The following WDSUB1 variants were observed in gnomAD, a reference collection of about 807,000 sequenced individuals.
The protein encoded by WDSUB1 is WD repeat, sterile alpha motif and U-box domain containing 1.
Under a neutral mutation model 53.9 loss-of-function variants are expected in WDSUB1, and 49 were observed. The observed-to-expected ratio is 0.91, with a 90% CI of 0.72 to 1.15. The LOEUF is 1.15. Ranked by LOEUF, WDSUB1 falls within the 50% of genes most tolerant of loss-of-function variation. WDSUB1 has a pLI of 0.00. For synonymous variants in WDSUB1, 194 were observed against 200.6 expected, an observed-to-expected ratio of 0.97 and a Z score of 0.28; for missense variants, 514 against 562.0, an observed-to-expected ratio of 0.91 and a Z score of 0.86.
chr2:159,275,583 T>G lies in WDSUB1; in HGVS notation c.639A>C (p.Gln213His). 6.2e-7 allele frequency: 1 copy of G among 1,606,562 alleles called. No homozygotes were observed. The highest frequency in any genetic ancestry group is 8.5e-7 in the Non-Finnish European group (1 of 1,178,046). The change falls in exon 4 of 11, where the codon CAA becomes CAC. Residue 213 changes from glutamine (Q) to histidine (H), a missense_variant. Transcript: ENST00000359774. ...FRLASCGQDC[Q>H]VKIWIVSFTH... ...TAAAAGAAACAATCCAAATTTTGAC[T>G]TGGCAATCCTGACCACATGATGCCA...
At chr2:159,273,122 T>A (rs1049520805) in intron 4 of WDSUB1, among the ~76,000 whole-genome samples, 1 of 151,936 alleles carries the variant, frequency 6.6e-6, no homozygotes, top group Non-Finnish European at 1.5e-5. Flanking sequence ...CAGGAAAAAA[T>A]ATATATTTTT....
At chr2:159,280,488 G>T (rs530018256) in intron 2 of WDSUB1, among the ~76,000 whole-genome samples, 2 of 151,176 alleles carry the variant, frequency 1.3e-5, no homozygotes, top group African/African-American at 2.4e-5. Context: ...TCAGGAGATC[G>T]AGACCATCCC....
intron 5 of WDSUB1, among the ~76,000 whole-genome samples, chr2:159,261,457 T>C (rs886320070): frequency 6.6e-6 from 1 of 152,124 alleles, no homozygotes; most frequent in Admixed American, 6.5e-5. Context: ...CAGTGAGAAA[T>C]AGTATTGACA....
In WDSUB1 at chr2:159,259,805, CT is replaced by C; in HGVS notation, c.804+4del. The C allele has an allele frequency of 6.6e-7, 1 of 1,521,452 alleles. No individual in the cohort carries two copies. Among genetic ancestry groups the C allele is most frequent in the Non-Finnish European group, 8.9e-7 (1 of 1,119,918 alleles). The allele number at this position is 1,521,452 out of a possible 1,614,324, so 94.2% of individuals were successfully genotyped here. On this transcript the variant is annotated splice_donor_region_variant and intron_variant, in intron 6 of 10. Transcript: ENST00000359774. The stretch of plus-strand genomic sequence containing the variant: ...TAGATCACCACAAGATTTTTAAATA[CT>C]TACAGTATCATATACTATGACAGAC...
Position 159,282,962 on chromosome 2 carries a change from C to T in WDSUB1, c.108G>A (p.Leu36=), listed in dbSNP as rs755560252. 3.1e-6 allele frequency: 5 copies of T among 1,614,170 alleles called. No individual in the cohort carries two copies. The South Asian group carries it at 4.4e-5, about 14-fold the overall frequency. Residue 36 remains leucine (L), a synonymous_variant, in exon 2 of 11, where the codon CTG becomes CTA. Coordinates refer to ENST00000359774, the MANE Select transcript of WDSUB1 (RefSeq NM_001128212.3). ...ATCSLDKTIR[L]YSLRDFTELP... is the part of the protein sequence containing the mutation. ...GTTCAGTAAAGTCACGTAACGAGTA[C>T]AGGCGAATTGTTTTGTCCAAGGAGC...
chr2:159,261,394 A>T (rs546228016), intron 5 of WDSUB1, among the ~76,000 whole-genome samples: 1 of 152,352 alleles, frequency 6.6e-6, no homozygotes, highest in Non-Finnish European at 1.5e-5. Context: ...ACTGTAATGC[A>T]TTCCAGATGC....
At chr2:159,259,570 G>A (rs146302259) in intron 6 of WDSUB1, among the ~76,000 whole-genome samples, 195 of 152,294 alleles carry the variant, frequency 1.3e-3, no homozygotes, top group African/African-American at 4.3e-3. Flanking sequence ...CTTTAAATAT[G>A]TATAGTTTAT....
rs1454450462 is a variant in WDSUB1, at chr2:159,257,770, T to G, written c.940A>C (p.Thr314Pro). The part of the protein sequence containing the change: ...TVNIWQFDLE[T>P]LCQARRTEHQ... Reference sequence around the variant, plus strand: ...TGTCCTTACTAACCTTGGCAAAGTGTTTCCAGGTCAAATTGCCAGATGTTC... The same window carrying G: ...TGTCCTTACTAACCTTGGCAAAGTGGTTCCAGGTCAAATTGCCAGATGTTC... Residue 314 changes from threonine to proline, a missense_variant, in exon 8 of 11, where the codon ACA (threonine) becomes CCA (proline). Coordinates refer to ENST00000359774, the MANE Select transcript of WDSUB1 (RefSeq NM_001128212.3). 2 of 1,614,034 alleles carry G rather than the reference T, an allele frequency of 1.2e-6. No individual in the cohort carries two copies. The highest frequency in any genetic ancestry group is 2.2e-5 in the South Asian group (2 of 91,084).
intron 10 of WDSUB1, among the ~76,000 whole-genome samples, chr2:159,243,313 A>G (rs2060709272): frequency 6.8e-6 from 1 of 147,644 alleles, no homozygotes; most frequent in African/African-American, 2.6e-5. Context: ...GTCGGAAGAC[A>G]GTAGGGAGAT....
intron 3 of WDSUB1, among the ~76,000 whole-genome samples, chr2:159,277,670 AAT>A (rs1205951766): frequency 6.6e-6 from 1 of 152,226 alleles, no homozygotes; most frequent in African/African-American, 2.4e-5. Context: ...AAGATGAGTC[AAT>A]ATGTCATAAG....
chr2:159,256,280 C>T lies in WDSUB1; in HGVS notation c.1048G>A (p.Val350Ile), dbSNP rs1427446654. 5.6e-6 allele frequency: 9 copies of T among 1,612,236 alleles called. No homozygotes were observed. In the African/African-American group the frequency reaches 8.0e-5, roughly 14 times the overall value. ...ATGTTATTCATCTTGAAAATACCAA[C>T]AAGATCTTTTAAATCTTGTGCACAA... ...WLCAQDLKDL[V>I]GIFKMNNIDG... The change falls in exon 9 of 11, where the codon GTT becomes ATT. Residue 350 changes from valine (V) to isoleucine (I), a missense_variant. Coordinates refer to ENST00000359774, the MANE Select transcript of WDSUB1 (RefSeq NM_001128212.3).
intron 5 of WDSUB1, among the ~76,000 whole-genome samples, chr2:159,268,295 C>G (rs191810413): frequency 6.6e-6 from 1 of 152,246 alleles, no homozygotes; most frequent in African/African-American, 2.4e-5. Context: ...TGGCAGAGAG[C>G]TGGGCACATA....
At chr2:159,239,173 T>A (rs574897482) in intron 10 of WDSUB1, among the ~76,000 whole-genome samples, 7 of 152,280 alleles carry the variant, frequency 4.6e-5, no homozygotes, top group East Asian at 1.9e-4. Context: ...GGCTAATTTT[T>A]AAAAATTTTT....
At chr2:159,261,880 ATATATATATATATATATTTTTT>A (rs2061216428) in intron 5 of WDSUB1, among the ~76,000 whole-genome samples, 1 of 19,078 alleles carries the variant, frequency 5.2e-5, no homozygotes, top group African/African-American at 3.4e-4. Flanking sequence ...ATATATATAT[ATATATATATATATATATTTTTT>A]TTTTTTTTTT....
intron 10 of WDSUB1, among the ~76,000 whole-genome samples, chr2:159,243,708 T>C (rs79533393): frequency 0.083 from 12,604 of 152,168 alleles, 1,167 homozygotes; most frequent in African/African-American, 0.22. Context: ...CTGGTGGGCA[T>C]AGAAAGTGAT....
chr2:159,275,940 C>T (rs2061531610), intron 3 of WDSUB1, among the ~76,000 whole-genome samples: 1 of 152,216 alleles, frequency 6.6e-6, no homozygotes, highest in Non-Finnish European at 1.5e-5. Context: ...CCTCCTCTAA[C>T]TCAATTTGAG....
chr2:159,278,121 T>C (rs1407321077), intron 3 of WDSUB1, among the ~76,000 whole-genome samples: 2 of 152,128 alleles, frequency 1.3e-5, no homozygotes, highest in Non-Finnish European at 2.9e-5. Flanking sequence ...GGAACCTAGA[T>C]CTCTCCACAC....
chr2:159,240,068 G>A (rs901247676), intron 10 of WDSUB1, among the ~76,000 whole-genome samples: 10 of 152,098 alleles, frequency 6.6e-5, no homozygotes, highest in African/African-American at 9.7e-5. Context: ...CACTGCCCCC[G>A]CAGCGTGTGG....
At chr2:159,255,600 T>C (rs1005845101) in intron 9 of WDSUB1, among the ~76,000 whole-genome samples, 1 of 152,068 alleles carries the variant, frequency 6.6e-6, no homozygotes. Flanking sequence ...TAAAAGGCCA[T>C]AGGCTTCCAA....
Sources: allele counts gnomAD v4.1 joint callset (sites outside exome capture counted in the v4.1 genomes callset), GRCh38; gene constraint gnomAD v4.1.1; transcripts MANE v1.5; gene names NCBI Gene and HGNC (gene_info 2026-07-23, HGNC 2026-07-21).